CALN1: variants seen among roughly 807,000 people sequenced by gnomAD.
CALN1 encodes the protein calneuron 1, also known as calcium-binding protein 8.
CALN1 carries 17 observed loss-of-function variants against 30.6 expected under a neutral mutation model. The ratio of observed to expected loss-of-function variants is 0.56; its 90% CI spans 0.38 to 0.83. The LOEUF (loss-of-function observed/expected upper bound fraction) is 0.83, where lower values mean the gene tolerates loss of function less well. CALN1 is among the 40% of genes least tolerant of loss of function. The pLI is 0.00. For synonymous variants in CALN1, 156 were observed against 131.4 expected (o/e 1.19, Z -1.28); for missense variants, 291 against 354.9 (o/e 0.82, Z 1.45).
At chr7:71,915,284 G>C (rs924589127) in intron 5 of CALN1, among the ~76,000 whole-genome samples, 1 of 152,306 alleles carries the variant, frequency 6.6e-6, no homozygotes, top group South Asian at 2.1e-4. Context: ...AAAGCAATGA[G>C]GTCATCTCAG....
intron 5 of CALN1, among the ~76,000 whole-genome samples, chr7:71,892,115 T>C (rs1404830559): frequency 6.6e-6 from 1 of 152,192 alleles, no homozygotes; most frequent in African/African-American, 2.4e-5. Context: ...AAATGTTTAT[T>C]GAAGTGCACA....
chr7:72,140,167 A>G (rs1184311135), intron 3 of CALN1, among the ~76,000 whole-genome samples: 3 of 151,750 alleles, frequency 2.0e-5, no homozygotes, highest in Admixed American at 6.6e-5. Context: ...GCTACTAGGG[A>G]GACTGAGGCA....
chr7:71,871,122 ACT>A (rs1424580232), intron 5 of CALN1, among the ~76,000 whole-genome samples: 2 of 152,142 alleles, frequency 1.3e-5, no homozygotes, highest in Admixed American at 1.3e-4. Context: ...AAGAGAACAA[ACT>A]CTTTTAACAG....
intron 3 of CALN1, among the ~76,000 whole-genome samples, chr7:72,189,914 G>A (rs1447400319): frequency 1.3e-5 from 2 of 152,048 alleles, no homozygotes; most frequent in Non-Finnish European, 2.9e-5. Flanking sequence ...GCATATAGCC[G>A]AATTCTGTCT....
intron 5 of CALN1, among the ~76,000 whole-genome samples, chr7:71,849,710 C>T (rs1790527510): frequency 1.3e-5 from 2 of 152,142 alleles, no homozygotes; most frequent in African/African-American, 4.8e-5. Flanking sequence ...GTGGTGCAAT[C>T]ATAGCTTACT....
At chr7:72,140,305 A>AGAGAGAGAG (rs1483015861) in intron 3 of CALN1, among the ~76,000 whole-genome samples, 1 of 113,100 alleles carries the variant, frequency 8.8e-6, no homozygotes, top group African/African-American at 3.4e-5. Context: ...AGAGAGAGAG[A>AGAGAGAGAG]AGAAAGAGAG....
intron 3 of CALN1, among the ~76,000 whole-genome samples, chr7:72,252,618 A>AG: frequency 6.6e-6 from 1 of 151,202 alleles, no homozygotes; most frequent in East Asian, 1.9e-4. Context: ...CAAAAAAAAA[A>AG]AAAGAAAGAC....
At chr7:72,076,611 C>CAAAAAAAAAAAAAAAAAA (rs572245834) in intron 4 of CALN1, among the ~76,000 whole-genome samples, 102 of 6,126 alleles carry the variant, frequency 0.017, 49 homozygotes, top group Admixed American at 0.024. Flanking sequence ...AAAAAAAAAG[C>CAAAAAAAAAAAAAAAAAA]AAAAAAAAAA....
intron 5 of CALN1, among the ~76,000 whole-genome samples, chr7:71,877,257 T>TCTAAATG (rs1405191461): frequency 6.6e-6 from 1 of 152,210 alleles, no homozygotes; most frequent in East Asian, 1.9e-4. Context: ...TAAATGTTAT[T>TCTAAATG]CTAAATGTTG....
At chr7:72,443,202 C>T (rs1040033246) in intron 1 of CALN1, among the ~76,000 whole-genome samples, 6 of 152,194 alleles carry the variant, frequency 3.9e-5, no homozygotes, top group African/African-American at 1.2e-4. Context: ...ATTTACCTTT[C>T]GTGACTTATT....
At chr7:72,391,528 A>G (rs576966811) in intron 2 of CALN1, among the ~76,000 whole-genome samples, 17 of 152,266 alleles carry the variant, frequency 1.1e-4, no homozygotes, top group Middle Eastern at 6.8e-3. Flanking sequence ...TAATTTGGCT[A>G]TGTCCCCACC....
intron 1 of CALN1, among the ~76,000 whole-genome samples, chr7:72,439,387 G>A (rs1808275270): frequency 2.6e-5 from 4 of 152,020 alleles, no homozygotes; most frequent in Admixed American, 2.6e-4. Flanking sequence ...CTGTTGACTG[G>A]AAGCCTTACT....
At chr7:72,394,645 T>C (rs933781832) in intron 2 of CALN1, among the ~76,000 whole-genome samples, 3 of 143,992 alleles carry the variant, frequency 2.1e-5, no homozygotes, top group African/African-American at 7.8e-5. Context: ...ATGGCACAAC[T>C]TCAGGGGTAC....
intron 5 of CALN1, among the ~76,000 whole-genome samples, chr7:71,868,414 C>G (rs1439819935): frequency 6.6e-6 from 1 of 150,774 alleles, no homozygotes; most frequent in Non-Finnish European, 1.5e-5. Flanking sequence ...CTCTGTCACC[C>G]AGGCTGGAGT....
intron 3 of CALN1, among the ~76,000 whole-genome samples, chr7:72,187,748 C>T (rs764472444): frequency 1.1e-4 from 17 of 152,156 alleles, no homozygotes; most frequent in Non-Finnish European, 1.6e-4. Context: ...TTCGTGTATA[C>T]GTGTGATTCT....
At chr7:71,811,665 CTTTCTTT>C (rs1282473672) in intron 5 of CALN1, among the ~76,000 whole-genome samples, 7 of 134,092 alleles carry the variant, frequency 5.2e-5, no homozygotes, top group Admixed American at 5.2e-4. Flanking sequence ...GATAGTGTCG[CTTTCTTT>C]TTTCTTTTTT....
chr7:72,160,664 C>A (rs548149075), intron 3 of CALN1, among the ~76,000 whole-genome samples: 14 of 152,308 alleles, frequency 9.2e-5, no homozygotes, highest in Non-Finnish European at 1.8e-4. Context: ...TCCATTGCAA[C>A]CCTGATAAAT....
chr7:72,186,729 G>A (rs972245146), intron 3 of CALN1, among the ~76,000 whole-genome samples: 7 of 152,046 alleles, frequency 4.6e-5, no homozygotes, highest in South Asian at 2.1e-4. Context: ...GTGTGGCTGC[G>A]AAGGACATGA....
intron 2 of CALN1, among the ~76,000 whole-genome samples, chr7:72,381,525 T>C (rs901927090): frequency 1.3e-5 from 2 of 152,178 alleles, no homozygotes; most frequent in Non-Finnish European, 2.9e-5. Flanking sequence ...ATGAGTTCAT[T>C]TGCAGGGGCA....
Sources: allele counts gnomAD v4.1 joint callset (sites outside exome capture counted in the v4.1 genomes callset), GRCh38; gene constraint gnomAD v4.1.1; transcripts MANE v1.5; gene names NCBI Gene and HGNC (gene_info 2026-07-23, HGNC 2026-07-21).